FAM98B: variants seen among roughly 807,000 people sequenced by gnomAD.
FAM98B encodes the protein tRNA splicing ligase complex subunit 3B, also known as tRNA-splicing ligase complex subunit FAM98B.
A neutral mutation model predicts 43.9 loss-of-function variants in FAM98B; 32 were observed. The observed-to-expected ratio is 0.73, with a 90% CI of 0.55 to 0.98. The LOEUF is 0.98. FAM98B is among the 50% of genes least tolerant of loss of function. FAM98B has a pLI of 0.00. For synonymous variants in FAM98B, 190 were observed against 174.0 expected (o/e 1.09, Z -0.72); for missense variants, 514 against 522.9 (o/e 0.98, Z 0.17).
In FAM98B at chr15:38,464,106, C is replaced by T. The variant is rs766429099; in HGVS notation, c.146C>T (p.Ser49Leu). 6.2e-7 allele frequency: 1 copy of T among 1,613,540 alleles called. No individual in the cohort carries two copies. Among genetic ancestry groups the T allele is most frequent in the Non-Finnish European group, 8.5e-7 (1 of 1,179,804 alleles). The stretch of plus-strand genomic sequence containing the variant: ...GGTGGATTATCTTCACCTGAATTTT[C>T]AGAGCTCTGTATTTGGTTAGGCTCT... ...AEGGLSSPEF[S>L]ELCIWLGSQI... is the part of the protein sequence containing the mutation. The change falls in exon 2 of 8, where the codon TCA (serine) becomes TTA (leucine). Residue 49 changes from serine (S) to leucine (L), a missense_variant. Physicochemically the swap from Ser to Leu is moderately radical, Grantham distance 145. Transcript: ENST00000397609.
chr15:38,466,182 TTGTGTGTGTGTGTGTGTG>T (rs35919139), intron 3 of FAM98B, among the ~76,000 whole-genome samples: 11 of 147,704 alleles, frequency 7.4e-5, no homozygotes, highest in Non-Finnish European at 1.0e-4. Flanking sequence ...GAGATGAAAT[TTGTGTGTGTGTGTGTGTG>T]TGTGTGTGTG....
intron 6 of FAM98B, among the ~76,000 whole-genome samples, chr15:38,477,586 A>G (rs535606283): frequency 6.6e-6 from 1 of 152,336 alleles, no homozygotes; most frequent in African/African-American, 2.4e-5. Context: ...AGTGATTAGA[A>G]CAGGGATTGA....
chr15:38,483,011 TTC>T (rs1201098660), intron 7 of FAM98B: 1 of 152,230 alleles, frequency 6.6e-6, no homozygotes, highest in Non-Finnish European at 1.5e-5. Context: ...TTGAGAATCC[TTC>T]TCTCTCTTTG....
intron 6 of FAM98B, among the ~76,000 whole-genome samples, 198 bp from the exon 7 acceptor site, chr15:38,481,094 C>G (rs1044740439): frequency 6.6e-6 from 1 of 152,006 alleles, no homozygotes; most frequent in Non-Finnish European, 1.5e-5. Flanking sequence ...CTGGTAGTTA[C>G]ATATTTTTAA....
intron 3 of FAM98B, 81 bp from the exon 4 acceptor site, chr15:38,470,146 T>C: frequency 8.4e-7 from 1 of 1,187,440 alleles, no homozygotes; most frequent in Non-Finnish European, 1.1e-6. Flanking sequence ...TTGATACTTG[T>C]TTTAAGTGAA....
chr15:38,483,803 G>A (rs942840480), intron 7 of FAM98B: 5 of 147,376 alleles, frequency 3.4e-5, no homozygotes, highest in African/African-American at 1.0e-4. Flanking sequence ...TTCAGACTTG[G>A]TAAACAGGAA....
Position 38,454,212 on chromosome 15 carries a change from G to A in FAM98B, c.51G>A (p.Leu17=), listed in dbSNP as rs146072007. ...GPQPTMEGDV[L]DTLEALGYKG... Reference sequence around the variant, plus strand: ...AACCGACGATGGAGGGAGACGTGCTGGACACACTGGAGGCGCTGGGGTGAG... The same window carrying A: ...AACCGACGATGGAGGGAGACGTGCTAGACACACTGGAGGCGCTGGGGTGAG... Residue 17 remains leucine, a synonymous_variant, in exon 1 of 8, where the codon CTG becomes CTA. Coordinates refer to ENST00000397609, the MANE Select transcript of FAM98B (RefSeq NM_173611.4). 8 of 1,603,728 alleles carry A rather than the reference G, an allele frequency of 5.0e-6. No homozygotes were observed. The highest frequency in any genetic ancestry group is 6.8e-6 in the Non-Finnish European group (8 of 1,176,484).
chr15:38,481,981 A>C (rs1402494623), intron 7 of FAM98B: 1 of 176,042 alleles, frequency 5.7e-6, no homozygotes, highest in African/African-American at 2.4e-5. Context: ...AAACAAGCTC[A>C]AGGAGTCTGA....
intron 3 of FAM98B, 99 bp from the exon 4 acceptor site, chr15:38,470,128 G>T: frequency 2.0e-6 from 2 of 1,019,830 alleles, no homozygotes; most frequent in Non-Finnish European, 2.7e-6. Flanking sequence ...TGGCATTATT[G>T]GTATTAATTG....
intron 3 of FAM98B, among the ~76,000 whole-genome samples, chr15:38,467,201 C>G (rs940637722): frequency 6.6e-6 from 1 of 152,100 alleles, no homozygotes; most frequent in Admixed American, 6.5e-5. Flanking sequence ...CACAGTCTTA[C>G]CAGCATCTAG....
Position 38,484,235 on chromosome 15 carries a change from G to C in FAM98B, c.898-20G>C. ...TTTTTTGAAATATTAGGAACTAAAAGAAAATGTTTCTTCACACAGGTGCTG... is the reference window on the plus strand; with the variant it reads ...TTTTTTGAAATATTAGGAACTAAAACAAAATGTTTCTTCACACAGGTGCTG... On this transcript the variant is annotated intron_variant, in intron 7 of 7. Coordinates refer to ENST00000397609, the MANE Select transcript of FAM98B (RefSeq NM_173611.4). 6.5e-7 allele frequency: 1 copy of C among 1,544,444 alleles called. No individual in the cohort carries two copies.
chr15:38,462,589 C>T (rs1889966585), intron 1 of FAM98B, among the ~76,000 whole-genome samples: 1 of 152,004 alleles, frequency 6.6e-6, no homozygotes, highest in African/African-American at 2.4e-5. Flanking sequence ...TGCTGGATTT[C>T]CTATTCTGAA....
intron 1 of FAM98B, chr15:38,459,271 T>A: frequency 2.0e-6 from 1 of 490,620 alleles, no homozygotes; most frequent in South Asian, 1.5e-5. Context: ...CTCTGTCACC[T>A]TGGGGCAGAC....
chr15:38,456,004 CTG>C (rs1022435542), intron 1 of FAM98B, among the ~76,000 whole-genome samples: 1 of 152,146 alleles, frequency 6.6e-6, no homozygotes, highest in South Asian at 2.1e-4. Flanking sequence ...TAATGGAACA[CTG>C]TGTTTTCAAA....
rs558943993 is a variant in FAM98B at position 38,461,598 on chromosome 15, C to T, written c.72-2434C>T. Among the ~76,000 whole-genome samples, 98 of 151,984 alleles carry T rather than the reference C, an allele frequency of 6.4e-4. 1 individual carries two copies. Among genetic ancestry groups the T allele is most frequent in the African/African-American group, 2.2e-3 (90 of 41,456 alleles). On this transcript the variant is annotated intron_variant, in intron 1 of 7. Coordinates refer to ENST00000397609, the MANE Select transcript of FAM98B (RefSeq NM_173611.4). ...TGGCCTGCTACATAAAGGCAGGTTT[C>T]CTAATGTCATGAAGTCTTAGTTTCT...
intron 7 of FAM98B, chr15:38,482,611 G>A (rs1890301220): frequency 1.3e-5 from 2 of 152,158 alleles, no homozygotes; most frequent in Admixed American, 1.3e-4. Flanking sequence ...TGAGGATATT[G>A]CACTTTTTAT....
chr15:38,471,169 G>C (rs1890126194), intron 4 of FAM98B, among the ~76,000 whole-genome samples: 1 of 151,912 alleles, frequency 6.6e-6, no homozygotes, highest in South Asian at 2.1e-4. Flanking sequence ...TAGACACAGT[G>C]CCTTAAATTA....
At chr15:38,464,832 G>A (rs552966617) in intron 2 of FAM98B, among the ~76,000 whole-genome samples, 2 of 152,240 alleles carry the variant, frequency 1.3e-5, no homozygotes, top group South Asian at 4.1e-4. Flanking sequence ...GAACTCCTGG[G>A]CTCAAGCAAC....
chr15:38,481,792 C>G, intron 7 of FAM98B: 1 of 565,344 alleles, frequency 1.8e-6, no homozygotes, highest in Non-Finnish European at 3.0e-6. Context: ...CTGACAGATT[C>G]GTTATATCCT....
Sources: gnomAD v4.1 joint callset for allele counts (sites outside exome capture counted in the v4.1 genomes callset) on GRCh38, gnomAD v4.1.1 for gene constraint, MANE v1.5 for transcripts, NCBI Gene and HGNC (gene_info 2026-07-23, HGNC 2026-07-21) for gene names.